Variants in SETD9 observed in about 807,000 individuals in gnomAD.
The protein encoded by SETD9 is SET domain containing 9, also known as SET domain-containing protein 9.
Under a neutral mutation model 36.4 loss-of-function variants are expected in SETD9, and 37 were observed. The observed-to-expected ratio is 1.02, with a 90% CI of 0.78 to 1.34. SETD9 has a LOEUF of 1.34. Among genes scored for constraint, SETD9 ranks in the 40% most tolerant of loss-of-function variants. SETD9 has a pLI of 0.00. For synonymous variants in SETD9, 128 were observed against 132.9 expected (o/e 0.96, Z 0.26); for missense variants, 323 against 353.2 (o/e 0.91, Z 0.69).
chr5:56,915,525 C>G (rs749297358), intron 5 of SETD9, among the ~76,000 whole-genome samples: 16 of 152,118 alleles, frequency 1.1e-4, no homozygotes, highest in Admixed American at 2.0e-4. Context: ...TTCTGGAGAG[C>G]TAAGAGTTCT....
At chr5:56,928,883 A>G (rs564237801), downstream of SETD9, 244 of 1,585,250 alleles carry the variant, frequency 1.5e-4, 2 homozygotes, top group South Asian at 2.7e-3. Flanking sequence ...TTTAAAATAA[A>G]ATTTATGGGC....
At chr5:56,912,177 G>A (rs1749169927) in intron 2 of SETD9, 4 of 983,826 alleles carry the variant, frequency 4.1e-6, no homozygotes, top group Admixed American at 1.2e-4. Flanking sequence ...AAAAAAAAGC[G>A]TACGGATCAA....
At chr5:56,917,427 T>TA, downstream of SETD9, 1 of 655,516 alleles carries the variant, frequency 1.5e-6, no homozygotes, top group African/African-American at 2.0e-5. Context: ...CTATTTTCTT[T>TA]ACTCTTTGAA....
intron 5 of SETD9, among the ~76,000 whole-genome samples, chr5:56,924,984 A>G (rs1749891934): frequency 6.6e-6 from 1 of 152,222 alleles, no homozygotes; most frequent in Non-Finnish European, 1.5e-5. Context: ...GTGGGGCTAC[A>G]GACCTTTTCT....
In SETD9 at chr5:56,914,099, G is replaced by A. The variant is rs573348786; in HGVS notation, c.706+110G>A. ...GTTGAGTATAACATATAATAAGCTA[G>A]TCAAGTCCTTAAGCAACTCTCACTT... is the stretch of plus-strand genomic sequence containing the variant. On this transcript the variant is annotated intron_variant, in intron 4 of 5. Transcript: ENST00000285947. The A allele has an allele frequency of 3.9e-5, 25 of 647,684 alleles. 1 individual carries two copies. The South Asian group carries it at 5.8e-4, about 15-fold the overall frequency. 40.1% of individuals were successfully genotyped at this position (647,684 alleles called of 1,614,324 possible). A position where few individuals can be genotyped will look rare whatever the true frequency, so the allele number is the denominator to read the frequency against.
Position 56,916,865 on chromosome 5 carries a change from A to G in SETD9, c.863A>G (p.Glu288Gly), listed in dbSNP as rs1749457912. ...GCACTTAGGGACATCAATCAAGGAGAAGAGCTTTTTTCAAACTACTACACA... is the reference window on the plus strand; with the variant it reads ...GCACTTAGGGACATCAATCAAGGAGGAGAGCTTTTTTCAAACTACTACACA... ...LVALRDINQG[E>G]ELFSNYYTIV... The change falls in exon 6 of 6, where the codon GAA becomes GGA. Residue 288 changes from glutamate to glycine, a missense_variant. Coordinates refer to ENST00000285947, the MANE Select transcript of SETD9 (RefSeq NM_153706.4). The G allele has an allele frequency of 6.2e-7, 1 of 1,608,030 alleles. No individual in the cohort carries two copies. The highest frequency in any genetic ancestry group is 8.5e-7 in the Non-Finnish European group (1 of 1,177,838).
At chr5:56,923,881 A>G in intron 5 of SETD9, 1 of 1,613,940 alleles carries the variant, frequency 6.2e-7, no homozygotes, top group East Asian at 2.2e-5. Context: ...TACAGTTAAA[A>G]GTAAGTCTTT....
At chr5:56,923,597 TG>T in intron 5 of SETD9, 1 of 1,611,432 alleles carries the variant, frequency 6.2e-7, no homozygotes. Flanking sequence ...TAAAAAGGAA[TG>T]GAAAATTGTT....
chr5:56,913,191 A>G (rs374755516), intron 3 of SETD9, 57 bp downstream of exon 3: 3 of 1,572,164 alleles, frequency 1.9e-6, no homozygotes, highest in East Asian at 2.3e-5. Context: ...ACTTACCACA[A>G]TGATTATGAC....
chr5:56,920,593 C>G (rs1252407246), downstream of SETD9: 3 of 151,968 alleles, frequency 2.0e-5, no homozygotes, highest in Non-Finnish European at 4.4e-5. Flanking sequence ...TAAACAGTAA[C>G]AAATTCTCTG....
chr5:56,913,541 G>A (rs1749265639), intron 3 of SETD9, among the ~76,000 whole-genome samples: 1 of 151,842 alleles, frequency 6.6e-6, no homozygotes, highest in Non-Finnish European at 1.5e-5. Context: ...GCACCACCAG[G>A]CCCAGATAAT....
chr5:56,912,898 A>G, intron 2 of SETD9, 113 bp from the exon 3 acceptor site: 1 of 1,175,570 alleles, frequency 8.5e-7, no homozygotes, highest in South Asian at 1.5e-5. Flanking sequence ...TCACGCTTTA[A>G]GAGGGAGAAA....
chr5:56,927,074 A>C (rs1318748434), downstream of SETD9, among the ~76,000 whole-genome samples: 3 of 152,014 alleles, frequency 2.0e-5, 1 homozygote, highest in South Asian at 6.2e-4. Context: ...TGGCTGCTAG[A>C]AGTTGTTAGG....
Position 56,911,121 on chromosome 5 carries a change from G to T in SETD9, c.99-48G>T, listed in dbSNP as rs757874131. 1 of 1,495,256 alleles carries T rather than the reference G, an allele frequency of 6.7e-7. No homozygotes were observed. The highest frequency in any genetic ancestry group is 2.5e-5 in the Admixed American group (1 of 40,424). 92.6% of individuals were successfully genotyped at this position (1,495,256 alleles called of 1,614,324 possible). A position where few individuals can be genotyped will look rare whatever the true frequency, so the allele number is the denominator to read the frequency against. ...CCCAGAAGTTATGCAGGTAAGTTTG[G>T]CTTTTATCAGTTGAAGGGTAGTGAA... On this transcript the variant is annotated intron_variant, in intron 1 of 5. Transcript: ENST00000285947.
chr5:56,912,136 C>CT, intron 2 of SETD9: 1 of 963,728 alleles, frequency 1.0e-6, no homozygotes. Flanking sequence ...GCCTGGGTGA[C>CT]AGTGCTAGGC....
At position 56,913,988 on chromosome 5, in the gene SETD9, T is replaced by C. The variant is rs749118618; in HGVS notation, c.705T>C (p.Asn235=). 1.5e-5 allele frequency: 24 copies of C among 1,602,802 alleles called. No homozygotes were observed. Among genetic ancestry groups the C allele is most frequent in the African/African-American group, 6.7e-5 (5 of 74,692 alleles). ...AVGQYVNNCS[N]DRAANVCYQE... Reference sequence around the variant, plus strand: ...GACAGTATGTCAACAATTGTTCCAATGGTAAGAAGGCATCATGGGGCTGTG... The same window carrying C: ...GACAGTATGTCAACAATTGTTCCAACGGTAAGAAGGCATCATGGGGCTGTG... Residue 235 remains asparagine (N), a splice_region_variant and synonymous_variant, in exon 4 of 6, where the codon AAT becomes AAC. Transcript: ENST00000285947.
Position 56,909,704 on chromosome 5 carries a change from T to C in SETD9, c.59T>C (p.Phe20Ser), listed in dbSNP as rs776803866. The C allele has an allele frequency of 7.1e-5, 115 of 1,611,192 alleles. No individual in the cohort carries two copies. The highest frequency in any genetic ancestry group is 9.4e-5 in the Non-Finnish European group (111 of 1,179,048). Reference sequence around the variant, plus strand: ...CGATGGCGCCGTTACAAGTACCGCTTCGTTCCCTGGATCGCACTGAACCTA... The same window carrying C: ...CGATGGCGCCGTTACAAGTACCGCTCCGTTCCCTGGATCGCACTGAACCTA... ...WQRWRRYKYRFVPWIALNLSH... is the reference protein window; with the variant it reads ...WQRWRRYKYRSVPWIALNLSH... Residue 20 changes from phenylalanine (F) to serine (S), a missense_variant, in exon 1 of 6, where the codon TTC (phenylalanine) becomes TCC (serine). By Grantham distance (155) the Phe-to-Ser change is radical (BLOSUM62 -2). Transcript: ENST00000285947.
At chr5:56,919,612 C>T (rs1295066254), downstream of SETD9, 1 of 152,472 alleles carries the variant, frequency 6.6e-6, no homozygotes, top group Non-Finnish European at 1.5e-5. Flanking sequence ...AAAAGATTCC[C>T]AGATTTTTAT....
chr5:56,924,516 C>T (rs1749862586), intron 5 of SETD9, among the ~76,000 whole-genome samples: 1 of 152,188 alleles, frequency 6.6e-6, no homozygotes, highest in Non-Finnish European at 1.5e-5. Flanking sequence ...GCAGCCTCAT[C>T]AGATTTGAGT....
Sources: gnomAD v4.1 joint callset for allele counts (sites outside exome capture counted in the v4.1 genomes callset) on GRCh38, gnomAD v4.1.1 for gene constraint, MANE v1.5 for transcripts, NCBI Gene and HGNC (gene_info 2026-07-23, HGNC 2026-07-21) for gene names.